PNPLA6: variants seen among roughly 807,000 people sequenced by gnomAD.
PNPLA6 encodes patatin like domain 6, lysophospholipase.
In PNPLA6, 105 loss-of-function variants were observed where a neutral mutation model predicts 153.7. That is an observed-to-expected ratio of 0.68 (90% confidence interval 0.58 to 0.80). The LOEUF (loss-of-function observed/expected upper bound fraction) is 0.80. PNPLA6 is among the 30% of genes least tolerant of loss of function. The pLI is 0.00. For synonymous variants in PNPLA6, 825 were observed against 822.2 expected, an observed-to-expected ratio of 1.00 and a Z score of -0.06; for missense variants, 1,423 against 1,919.3, an observed-to-expected ratio of 0.74 and a Z score of 4.83.
At chr19:7,559,231 G>T in intron 28 of PNPLA6, 80 bp downstream of exon 28, 1 of 1,235,038 alleles carries the variant, frequency 8.1e-7, no homozygotes, top group Non-Finnish European at 1.2e-6. Context: ...GTGGTATGAG[G>T]GGGAGGAATC....
At chr19:7,548,888 C>T (rs1228486454) in intron 13 of PNPLA6, among the ~76,000 whole-genome samples, 1 of 149,408 alleles carries the variant, frequency 6.7e-6, no homozygotes, top group African/African-American at 2.5e-5. Context: ...CTGCAAGCTC[C>T]TCCTCCCGGG....
chr19:7,550,247 T>A, intron 14 of PNPLA6, 51 bp from the exon 15 acceptor site: 2 of 1,612,728 alleles, frequency 1.2e-6, no homozygotes, highest in Non-Finnish European at 1.7e-6. Flanking sequence ...CCAGCGCCGG[T>A]GTAGGACGGT....
chr19:7,555,363 G>A lies in PNPLA6; in HGVS notation c.2932G>A (p.Ala978Thr), dbSNP rs760408832. ...TGCCCTTGTGCTAGGCGGGGGCGGG[G>A]CCAGGTGAGGGCGGGGCTTGCTCTC... ...TIALVLGGGG[A>T]RGCSHIGVLK... Residue 978 changes from alanine to threonine, a missense_variant, in exon 23 of 32, where the codon GCC (alanine) becomes ACC (threonine). Coordinates refer to ENST00000600737, the MANE Select transcript of PNPLA6 (RefSeq NM_001166114.2). This position sits in a 1 kb window ranked among gnomAD's most constrained non-coding sequence, Gnocchi z 6.3. 5 of 1,525,698 alleles carry A rather than the reference G, an allele frequency of 3.3e-6. No homozygotes were observed. The highest frequency in any genetic ancestry group is 3.6e-6 in the Non-Finnish European group (4 of 1,124,506). 94.5% of individuals were successfully genotyped at this position (1,525,698 alleles called of 1,614,324 possible). A position where few individuals can be genotyped will look rare whatever the true frequency, so the allele number is the denominator to read the frequency against.
At chr19:7,551,496 T>G in intron 18 of PNPLA6, 59 bp downstream of exon 18, 2 of 1,394,756 alleles carry the variant, frequency 1.4e-6, no homozygotes, top group Non-Finnish European at 2.0e-6. Context: ...CAGAGCATGC[T>G]GGGAGGGAAG....
In PNPLA6 at chr19:7,540,494, G is replaced by A. The variant is rs1007045762; in HGVS notation, c.715-136G>A. 8 of 971,968 alleles carry A rather than the reference G, an allele frequency of 8.2e-6. No homozygotes were observed. The South Asian group carries it at 9.8e-5, about 12-fold the overall frequency. 60.2% of individuals were successfully genotyped at this position (971,968 alleles called of 1,614,324 possible). On this transcript the variant is annotated intron_variant, in intron 5 of 31. Transcript: ENST00000600737. The surrounding 1 kb of genome is among the most constrained non-coding windows in gnomAD (Gnocchi z 6.8). ...TTACAAGTATTGAACGATGGGAGAT[G>A]CCTGCTCGTTGGAAGGGTTGGTGGG...
chr19:7,542,998 C>T lies in PNPLA6; in HGVS notation c.1531-9C>T, dbSNP rs770070729. ...GGCTGCGCCCATCTCAACCCCCCTA[C>T]CTCCCCAGGACCCCTCCCTCCTGAA... On this transcript the variant is annotated splice_polypyrimidine_tract_variant and intron_variant, in intron 12 of 31. Transcript: ENST00000600737. 4 of 1,613,936 alleles carry T rather than the reference C, an allele frequency of 2.5e-6. No homozygotes were observed. Among genetic ancestry groups the T allele is most frequent in the Non-Finnish European group, 3.4e-6 (4 of 1,179,950 alleles).
intron 18 of PNPLA6, among the ~76,000 whole-genome samples, chr19:7,553,190 G>C (rs581698): frequency 0.42 from 64,603 of 152,038 alleles, 14,426 homozygotes; most frequent in South Asian, 0.56. Context: ...TAGGCTGTTA[G>C]TGGAGAAACT....
At position 7,561,708 on chromosome 19, in the gene PNPLA6, C is replaced by T. The variant is rs1328079109; in HGVS notation, c.*146C>T. 7 of 707,160 alleles carry T rather than the reference C, an allele frequency of 9.9e-6. No individual in the cohort carries two copies. The highest frequency in any genetic ancestry group is 1.7e-5 in the African/African-American group (1 of 57,342). The allele number at this position is 707,160 out of a possible 1,614,324, so 43.8% of individuals were successfully genotyped here. ...GACTGACCTGCCCTGAGCGGGGATG[C>T]AGTGTTGCACTGATGACTTGACCAG... On this transcript the variant is annotated 3_prime_UTR_variant, in exon 32 of 32. Coordinates refer to ENST00000600737, the MANE Select transcript of PNPLA6 (RefSeq NM_001166114.2).
Position 7,543,070 on chromosome 19 carries a change from C to A in PNPLA6, c.1594C>A (p.Arg532Ser). ...CGCCAAAGCTGGCACCATCATTGCC[C>A]GCCAGGGAGACCAGGTGAGGCTGAC... ...HHAKAGTIIA[R>S]QGDQDVSLHF... Residue 532 changes from arginine (R) to serine (S), a missense_variant, in exon 13 of 32, where the codon CGC becomes AGC. Transcript: ENST00000600737. 1 of 1,613,900 alleles carries A rather than the reference C, an allele frequency of 6.2e-7. No individual in the cohort carries two copies. The highest frequency in any genetic ancestry group is 1.1e-5 in the South Asian group (1 of 91,082).
chr19:7,549,849 C>T, intron 13 of PNPLA6, 58 bp from the exon 14 acceptor site: 2 of 1,541,124 alleles, frequency 1.3e-6, no homozygotes, highest in Non-Finnish European at 8.9e-7. Context: ...GCATGTTGAC[C>T]TGAGCTGGGG....
intron 3 of PNPLA6, 108 bp downstream of exon 3, chr19:7,536,654 C>T (rs2022886013): frequency 1.3e-6 from 1 of 789,808 alleles, no homozygotes; most frequent in Non-Finnish European, 2.2e-6. Context: ...TGGCTGCGCG[C>T]TGTGGCTCAT....
At chr19:7,534,435 G>A (rs1320944236), upstream of PNPLA6, 1 of 155,024 alleles carries the variant, frequency 6.5e-6, no homozygotes, top group Non-Finnish European at 1.4e-5. Flanking sequence ...CGGCCACCCA[G>A]GAATTTTCCA....
In PNPLA6 at chr19:7,552,111, G is replaced by GA. The variant is rs527902920; in HGVS notation, c.2260+680dup. On this transcript the variant is annotated intron_variant, in intron 18 of 31. Coordinates refer to ENST00000600737, the MANE Select transcript of PNPLA6 (RefSeq NM_001166114.2). ...GATGACAGAGCTAGAACCTGTTTCAGAAAAAATAAAACAGCAAACAAACAA... is the reference window on the plus strand; with the variant it reads ...GATGACAGAGCTAGAACCTGTTTCAGAAAAAAATAAAACAGCAAACAAACAA... Among the ~76,000 whole-genome samples the GA allele has an allele frequency of 5.9e-5, 9 of 152,226 alleles. No individual in the cohort carries two copies. The South Asian group carries it at 1.9e-3, about 32-fold the overall frequency.
chr19:7,549,882 T>C, intron 13 of PNPLA6, 25 bp from the exon 14 acceptor site: 1 of 1,611,050 alleles, frequency 6.2e-7, no homozygotes, highest in South Asian at 1.1e-5. Flanking sequence ...GGGTTCTGTG[T>C]TCATCACATC....
At chr19:7,556,920 A>G (rs2023903225) in intron 26 of PNPLA6, 196 bp downstream of exon 26, 3 of 688,520 alleles carry the variant, frequency 4.4e-6, no homozygotes, top group East Asian at 5.4e-5. Context: ...GGAGGGGAGC[A>G]GGGAGACTCG....
In PNPLA6 at chr19:7,551,076, C is replaced by T; in HGVS notation, c.2153C>T (p.Thr718Ile). The T allele has an allele frequency of 6.5e-7, 1 of 1,549,550 alleles. No individual in the cohort carries two copies. The highest frequency in any genetic ancestry group is 1.2e-5 in the South Asian group (1 of 84,060). ...GAGCTGGCCAAGCTTCCCGAGGGCA[C>T]CTTGGGTCACATCAAACGCCGGTAC... ...DTELAKLPEG[T>I]LGHIKRRYPQ... Residue 718 changes from threonine to isoleucine, a missense_variant, in exon 17 of 32, where the codon ACC becomes ATC. Around this residue, in one of 10 missense-constraint regions of PNPLA6, gnomAD observed 63 missense variants for 166.2 expected, o/e 0.38. Transcript: ENST00000600737.
chr19:7,560,833 TC>T (rs2024068323), intron 29 of PNPLA6, 69 bp downstream of exon 29: 2 of 1,105,258 alleles, frequency 1.8e-6, no homozygotes, highest in African/African-American at 3.1e-5. Context: ...CCTTAAAGTC[TC>T]CCCGAAACCT....
At chr19:7,554,359 C>G (rs1411428296) in intron 20 of PNPLA6, 87 bp downstream of exon 20, 2 of 1,350,102 alleles carry the variant, frequency 1.5e-6, no homozygotes, top group African/African-American at 2.9e-5. Context: ...TTCTTGGCTT[C>G]CAACCACGGA....
At chr19:7,543,784 G>A (rs1314469693) in intron 13 of PNPLA6, among the ~76,000 whole-genome samples, 4 of 151,938 alleles carry the variant, frequency 2.6e-5, no homozygotes, top group African/African-American at 4.8e-5. Flanking sequence ...TGCCTAGTTC[G>A]CAGAACCCCA....
Sources: gnomAD v4.1 joint callset for allele counts (sites outside exome capture counted in the v4.1 genomes callset) on GRCh38, gnomAD v4.1.1 for gene constraint, gnomAD v4.1.1 regional missense constraint, Gnocchi (gnomAD v3.1) non-coding constraint, MANE v1.5 for transcripts, NCBI Gene and HGNC (gene_info 2026-07-23, HGNC 2026-07-21) for gene names.